The following ZFPM2 variants were observed in gnomAD, a reference collection of about 807,000 sequenced individuals.
The protein encoded by ZFPM2 is zinc finger protein ZFPM2.
A neutral mutation model predicts 98.6 loss-of-function variants in ZFPM2; 20 were observed. That is an observed-to-expected ratio of 0.20 (90% confidence interval 0.14 to 0.29). The LOEUF (loss-of-function observed/expected upper bound fraction) is 0.29, where lower values mean the gene tolerates loss of function less well. ZFPM2 is among the 10% of genes least tolerant of loss of function. ZFPM2 has a pLI of 1.00. For missense variants in ZFPM2, 1,310 were observed against 1,388.6 expected (o/e 0.94, Z 0.90); for synonymous variants, 518 against 502.7 (o/e 1.03, Z -0.41).
chr8:105,685,421 A>G (rs1563520660), intron 5 of ZFPM2, among the ~76,000 whole-genome samples: 1 of 152,060 alleles, frequency 6.6e-6, no homozygotes, highest in Non-Finnish European at 1.5e-5. Context: ...ACTTTTTAAA[A>G]TTTTTAATGT....
intron 1 of ZFPM2, among the ~76,000 whole-genome samples, chr8:105,325,060 A>C (rs1055771626): frequency 6.6e-6 from 1 of 151,752 alleles, no homozygotes; most frequent in Non-Finnish European, 1.5e-5. Context: ...ATTCCAAAGG[A>C]CTAGTAGGAT....
chr8:105,775,018 T>C (rs1813066512), intron 5 of ZFPM2, among the ~76,000 whole-genome samples: 1 of 150,622 alleles, frequency 6.6e-6, no homozygotes, highest in Non-Finnish European at 1.5e-5. Context: ...ACTCTCCCTC[T>C]GTAGCAGTCA....
At chr8:105,617,259 C>CT (rs1436014415) in intron 4 of ZFPM2, among the ~76,000 whole-genome samples, 3 of 151,838 alleles carry the variant, frequency 2.0e-5, no homozygotes, top group Non-Finnish European at 2.9e-5. Context: ...AAATAACTAC[C>CT]TTTTTTTCAC....
intron 1 of ZFPM2, among the ~76,000 whole-genome samples, chr8:105,371,043 G>A (rs1237319387): frequency 1.3e-5 from 2 of 152,210 alleles, no homozygotes; most frequent in Non-Finnish European, 2.9e-5. Flanking sequence ...TGGCACCTCT[G>A]TATGGGTCTG....
At chr8:105,785,988 G>A (rs148524232) in intron 5 of ZFPM2, among the ~76,000 whole-genome samples, 10,751 of 148,522 alleles carry the variant, frequency 0.072, 442 homozygotes, top group East Asian at 0.12. Context: ...CTTGCAGTGA[G>A]CGGAGATGGC....
chr8:105,714,740 G>A (rs1811477977), intron 5 of ZFPM2, among the ~76,000 whole-genome samples: 1 of 151,914 alleles, frequency 6.6e-6, no homozygotes, highest in African/African-American at 2.4e-5. Flanking sequence ...GCCATAGTGA[G>A]AGTATTTACA....
chr8:105,615,777 G>T (rs1394531419), intron 4 of ZFPM2, among the ~76,000 whole-genome samples: 1 of 152,056 alleles, frequency 6.6e-6, no homozygotes, highest in Non-Finnish European at 1.5e-5. Flanking sequence ...CTGGCTCAGG[G>T]AATTCATGCA....
At chr8:105,407,883 A>G (rs1412126786) in intron 1 of ZFPM2, among the ~76,000 whole-genome samples, 1 of 151,948 alleles carries the variant, frequency 6.6e-6, no homozygotes, top group Admixed American at 6.6e-5. Context: ...ATGATGCCAT[A>G]TAGACACTTA....
intron 4 of ZFPM2, among the ~76,000 whole-genome samples, chr8:105,628,964 G>A (rs1393080885): frequency 7.2e-5 from 11 of 152,196 alleles, no homozygotes; most frequent in Non-Finnish European, 1.6e-4. Context: ...GGACAGCAGA[G>A]CTAAAATAGC....
At chr8:105,516,782 A>C (rs1476917397) in intron 3 of ZFPM2, among the ~76,000 whole-genome samples, 1 of 152,230 alleles carries the variant, frequency 6.6e-6, no homozygotes, top group East Asian at 1.9e-4. Flanking sequence ...ATTTGTCAAA[A>C]GCAGACTGTG....
chr8:105,415,996 A>C (rs1228252700), intron 1 of ZFPM2, among the ~76,000 whole-genome samples: 2 of 152,064 alleles, frequency 1.3e-5, no homozygotes, highest in African/African-American at 4.8e-5. Context: ...AATTTTGATA[A>C]TTCATTTTTA....
intron 1 of ZFPM2, among the ~76,000 whole-genome samples, chr8:105,351,576 A>G (rs1446694780): frequency 1.3e-5 from 2 of 152,166 alleles, no homozygotes; most frequent in African/African-American, 4.8e-5. Flanking sequence ...CATGAGATAC[A>G]TTAACTGGTT....
chr8:105,372,304 A>G (rs1395045531), intron 1 of ZFPM2, among the ~76,000 whole-genome samples: 2 of 152,124 alleles, frequency 1.3e-5, no homozygotes, highest in East Asian at 3.9e-4. Context: ...GGCCTCCCAA[A>G]GTGCTGGGAT....
At chr8:105,509,668 A>G (rs1010607455) in intron 3 of ZFPM2, among the ~76,000 whole-genome samples, 1 of 152,102 alleles carries the variant, frequency 6.6e-6, no homozygotes, top group African/African-American at 2.4e-5. Context: ...AAGGTTCTTA[A>G]TGAAGCCATT....
intron 3 of ZFPM2, among the ~76,000 whole-genome samples, chr8:105,448,104 T>G (rs1812412189): frequency 6.6e-6 from 1 of 152,072 alleles, no homozygotes. Context: ...AGTGAAAAGC[T>G]AGACACACTA....
intron 1 of ZFPM2, among the ~76,000 whole-genome samples, chr8:105,331,820 G>C (rs1812239191): frequency 6.6e-6 from 1 of 151,580 alleles, no homozygotes; most frequent in African/African-American, 2.4e-5. Flanking sequence ...CATTTTAAAA[G>C]GTAACAATAT....
intron 1 of ZFPM2, among the ~76,000 whole-genome samples, chr8:105,410,080 G>A (rs1445597971): frequency 6.6e-6 from 1 of 151,736 alleles, no homozygotes; most frequent in Non-Finnish European, 1.5e-5. Context: ...CTAAAATGGA[G>A]GATTATAAAA....
chr8:105,331,264 C>G (rs1812229257), intron 1 of ZFPM2, among the ~76,000 whole-genome samples: 1 of 151,288 alleles, frequency 6.6e-6, no homozygotes, highest in South Asian at 2.1e-4. Flanking sequence ...AATCAGGGAG[C>G]TGGCCAGCTA....
chr8:105,721,618 A>G (rs1232421030), intron 5 of ZFPM2, among the ~76,000 whole-genome samples: 1 of 151,964 alleles, frequency 6.6e-6, no homozygotes. Flanking sequence ...GTTTTTTTGC[A>G]TTCACACTGT....
Sources: gnomAD v4.1 joint callset for allele counts (sites outside exome capture counted in the v4.1 genomes callset) on GRCh38, gnomAD v4.1.1 for gene constraint, MANE v1.5 for transcripts, NCBI Gene and HGNC (gene_info 2026-07-23, HGNC 2026-07-21) for gene names.